Variants in KCNQ5 observed in about 807,000 individuals in gnomAD.
KCNQ5 encodes potassium voltage-gated channel subfamily KQT member 5.
Under a neutral mutation model 98.2 loss-of-function variants are expected in KCNQ5, and 30 were observed. That is an observed-to-expected ratio of 0.31 (90% CI 0.23 to 0.41). KCNQ5 has a LOEUF of 0.41. Among genes scored for constraint, KCNQ5 ranks in the 10% least tolerant of loss-of-function variants. The pLI is 1.00. For synonymous variants in KCNQ5, 458 were observed against 449.4 expected (o/e 1.02, Z -0.24); for missense variants, 835 against 1,182.5 (o/e 0.71, Z 4.31).
chr6:73,001,656 G>A (rs1231723783), intron 1 of KCNQ5, among the ~76,000 whole-genome samples: 1 of 152,130 alleles, frequency 6.6e-6, no homozygotes, highest in South Asian at 2.1e-4. Context: ...ACCAGAGGAG[G>A]ACATCTATCA....
At chr6:72,761,059 T>G (rs1024904917) in intron 1 of KCNQ5, among the ~76,000 whole-genome samples, 3 of 152,146 alleles carry the variant, frequency 2.0e-5, no homozygotes, top group African/African-American at 7.2e-5. Context: ...ATGTGTCAAT[T>G]CCGAGGCACC....
In KCNQ5 at chr6:73,186,874, G is replaced by T. The variant is rs1016822206; in HGVS notation, c.1578-3699G>T. Among the ~76,000 whole-genome samples, 25 of 151,990 alleles carry T rather than the reference G, an allele frequency of 1.6e-4. 1 individual carries two copies. Among genetic ancestry groups the T allele is most frequent in the Non-Finnish European group, 2.6e-4 (18 of 68,020 alleles). ...TGTTACATAGGTATACATGTGCCGT[G>T]TTGGTGTGCTGCACCCATTAACTCG... On this transcript the variant is annotated intron_variant, in intron 11 of 13. Transcript: ENST00000370398.
rs150111107 is a variant in KCNQ5 at position 72,858,665 on chromosome 6, C to T, written c.399-145243C>T. ...TTTTAAACATTCTGGTTTTATATCCCGTTTATTTGTCTTTCTAAGAATAAC... is the reference window on the plus strand; with the variant it reads ...TTTTAAACATTCTGGTTTTATATCCTGTTTATTTGTCTTTCTAAGAATAAC... On this transcript the variant is annotated intron_variant, in intron 1 of 13. Transcript: ENST00000370398. Among the ~76,000 whole-genome samples the T allele has an allele frequency of 2.3e-3, 354 of 151,476 alleles. 1 individual carries two copies. Among genetic ancestry groups the T allele is most frequent in the Non-Finnish European group, 4.2e-3 (286 of 67,874 alleles).
intron 7 of KCNQ5, among the ~76,000 whole-genome samples, chr6:73,113,346 T>C (rs548010903): frequency 1.3e-5 from 2 of 152,352 alleles, no homozygotes; most frequent in South Asian, 4.1e-4. Flanking sequence ...TAATACATTT[T>C]ACACAATAAA....
chr6:73,101,299 T>A (rs1774762812), intron 5 of KCNQ5, among the ~76,000 whole-genome samples: 2 of 152,212 alleles, frequency 1.3e-5, no homozygotes. Context: ...CATGACCAAG[T>A]GAGATTTATC....
At chr6:73,068,424 CAT>C (rs1210189224) in intron 3 of KCNQ5, among the ~76,000 whole-genome samples, 2 of 152,078 alleles carry the variant, frequency 1.3e-5, no homozygotes, top group African/African-American at 4.8e-5. Flanking sequence ...TCTTCTAAGA[CAT>C]AATGTTTTGT....
chr6:72,717,611 C>A (rs911125354), intron 1 of KCNQ5, among the ~76,000 whole-genome samples: 2 of 152,042 alleles, frequency 1.3e-5, no homozygotes, highest in African/African-American at 2.4e-5. Context: ...TTAATAAAGC[C>A]TTTATTCATT....
chr6:72,767,597 G>A (rs1180776778), intron 1 of KCNQ5, among the ~76,000 whole-genome samples: 3 of 152,026 alleles, frequency 2.0e-5, no homozygotes, highest in Non-Finnish European at 1.5e-5. Flanking sequence ...TATCCGATAA[G>A]ATTATAATAA....
chr6:73,110,844 T>C (rs2150426422), intron 6 of KCNQ5, among the ~76,000 whole-genome samples: 1 of 152,346 alleles, frequency 6.6e-6, no homozygotes, highest in Admixed American at 6.5e-5. Flanking sequence ...AGTATTCCCA[T>C]GTTCACAGCA....
At chr6:73,050,515 T>C (rs148230208) in intron 3 of KCNQ5, among the ~76,000 whole-genome samples, 2,466 of 152,316 alleles carry the variant, frequency 0.016, 32 homozygotes, top group Non-Finnish European at 0.023. Context: ...TTTACCTACG[T>C]ATACTGCAAT....
At chr6:73,079,727 G>A (rs1254832031) in intron 5 of KCNQ5, among the ~76,000 whole-genome samples, 2 of 152,074 alleles carry the variant, frequency 1.3e-5, no homozygotes, top group Non-Finnish European at 2.9e-5. Flanking sequence ...TGGGCATTTC[G>A]AAAAAGAGTG....
intron 5 of KCNQ5, among the ~76,000 whole-genome samples, chr6:73,094,944 C>T (rs902723181): frequency 6.6e-6 from 1 of 152,090 alleles, no homozygotes; most frequent in East Asian, 1.9e-4. Context: ...GTTCTTTGTG[C>T]TTCTTGTATT....
chr6:73,152,400 A>T lies in KCNQ5; in HGVS notation c.1469-17346A>T, dbSNP rs78234185. The stretch of plus-strand genomic sequence containing the variant: ...TCTAGGAGTTTTAGCTAATATTATC[A>T]TCCAAACCTCTTACTAAGATTTTCA... On this transcript the variant is annotated intron_variant, in intron 10 of 13. Transcript: ENST00000370398. Among the ~76,000 whole-genome samples the T allele has an allele frequency of 1.6e-3, 248 of 152,146 alleles. 5 individuals carry two copies. In the East Asian group the frequency reaches 0.042, roughly 26 times the overall value.
chr6:72,850,921 A>G (rs986219743), intron 1 of KCNQ5, among the ~76,000 whole-genome samples: 3 of 152,164 alleles, frequency 2.0e-5, no homozygotes, highest in African/African-American at 7.2e-5. Context: ...TACATTTATA[A>G]AAAGAGTGAG....
chr6:72,851,654 T>C (rs1427200019), intron 1 of KCNQ5, among the ~76,000 whole-genome samples: 1 of 152,162 alleles, frequency 6.6e-6, no homozygotes, highest in Admixed American at 6.6e-5. Context: ...ATTCAACTGA[T>C]TTGAGTCCCA....
intron 1 of KCNQ5, among the ~76,000 whole-genome samples, chr6:72,701,591 TGTTTA>T (rs1181005946): frequency 1.3e-5 from 2 of 152,162 alleles, no homozygotes; most frequent in African/African-American, 4.8e-5. Flanking sequence ...TGTTTTGTTT[TGTTTA>T]GAGTTGGGGG....
chr6:72,890,200 T>C (rs1190238422), intron 1 of KCNQ5, among the ~76,000 whole-genome samples: 2 of 152,248 alleles, frequency 1.3e-5, no homozygotes, highest in East Asian at 3.8e-4. Context: ...TACATATTTG[T>C]GATACCATCA....
chr6:72,698,373 T>C (rs912881526), intron 1 of KCNQ5, among the ~76,000 whole-genome samples: 1 of 152,078 alleles, frequency 6.6e-6, no homozygotes, highest in African/African-American at 2.4e-5. Flanking sequence ...CTGGCTAATT[T>C]TGTGTTTTGA....
intron 1 of KCNQ5, among the ~76,000 whole-genome samples, chr6:72,888,209 T>C (rs1581961089): frequency 6.6e-6 from 1 of 152,156 alleles, no homozygotes; most frequent in African/African-American, 2.4e-5. Context: ...GGTAAGTTAA[T>C]GCATCCTAGG....
Sources: gnomAD v4.1 joint callset for allele counts (sites outside exome capture counted in the v4.1 genomes callset) on GRCh38, gnomAD v4.1.1 for gene constraint, MANE v1.5 for transcripts, NCBI Gene and HGNC (gene_info 2026-07-23, HGNC 2026-07-21) for gene names.